The following LMF1 variants were observed in gnomAD, a reference collection of about 807,000 sequenced individuals.
LMF1 encodes the protein transmembrane protein 112.
In LMF1, 68 loss-of-function variants were observed where a neutral mutation model predicts 60.6. The ratio of observed to expected loss-of-function variants is 1.12; its 90% confidence interval spans 0.92 to 1.37. LMF1 has a LOEUF of 1.37. Among genes scored for constraint, LMF1 ranks in the 40% most tolerant of loss-of-function variants. The pLI, the probability that LMF1 is intolerant of heterozygous loss-of-function variation, is 0.00. For synonymous variants in LMF1, 418 were observed against 324.7 expected (o/e 1.29, Z -3.09); for missense variants, 948 against 767.2 (o/e 1.24, Z -2.78).
chr16:978,118 CAT>C (rs2073220454), intron 1 of LMF1, among the ~76,000 whole-genome samples: 1 of 137,344 alleles, frequency 7.3e-6, no homozygotes, highest in Non-Finnish European at 1.6e-5. Context: ...CACCACACAC[CAT>C]ACACACACCA....
At chr16:912,166 CCA>C (rs2071141339) in intron 3 of LMF1, among the ~76,000 whole-genome samples, 3 of 152,174 alleles carry the variant, frequency 2.0e-5, no homozygotes, top group African/African-American at 7.2e-5. Flanking sequence ...ACTCACACCA[CCA>C]CAGTGTCTAT....
At chr16:960,209 G>A (rs944974017) in intron 1 of LMF1, among the ~76,000 whole-genome samples, 2 of 152,252 alleles carry the variant, frequency 1.3e-5, no homozygotes, top group African/African-American at 2.4e-5. Flanking sequence ...TGCGGGGAAG[G>A]AGGGGAAACC....
At chr16:956,369 AAGC>A in intron 1 of LMF1, among the ~76,000 whole-genome samples, 1 of 152,358 alleles carries the variant, frequency 6.6e-6, no homozygotes, top group African/African-American at 2.4e-5. Flanking sequence ...CAGGTGAGAG[AAGC>A]ACATTCCCAT....
At chr16:870,621 C>T in intron 8 of LMF1, 108 bp downstream of exon 8, 2 of 1,310,160 alleles carry the variant, frequency 1.5e-6, no homozygotes, top group South Asian at 2.5e-5. Flanking sequence ...GGGCAGGGGA[C>T]ACTTGGGGTC....
intron 3 of LMF1, among the ~76,000 whole-genome samples, chr16:929,687 T>C (rs1423947783): frequency 6.6e-6 from 1 of 152,256 alleles, no homozygotes; most frequent in East Asian, 1.9e-4. Flanking sequence ...TTGAAGTGAA[T>C]GTTACCAAAC....
chr16:870,968 G>C (rs1408695632), intron 7 of LMF1, 86 bp from the exon 8 acceptor site: 11 of 1,490,866 alleles, frequency 7.4e-6, no homozygotes, highest in Non-Finnish European at 9.8e-6. Context: ...TGCTCCCTAA[G>C]GGTCAGCTGT....
At chr16:914,539 T>TCCCTC (rs145177489) in intron 3 of LMF1, among the ~76,000 whole-genome samples, 2 of 32,994 alleles carry the variant, frequency 6.1e-5, no homozygotes, top group African/African-American at 2.8e-4. Context: ...ACTCCCTCCC[T>TCCCTC]CCTTCCCATG....
intron 2 of LMF1, among the ~76,000 whole-genome samples, chr16:943,420 G>A (rs1379460891): frequency 1.4e-5 from 2 of 147,290 alleles, no homozygotes; most frequent in Non-Finnish European, 3.0e-5. Flanking sequence ...TTTCCCATGT[G>A]TTCATTCATT....
At chr16:947,522 C>G in intron 2 of LMF1, 1 of 456,110 alleles carries the variant, frequency 2.2e-6, no homozygotes, top group South Asian at 1.5e-5. Context: ...GCTCTCAGTA[C>G]TCTTTGAAGT....
chr16:919,792 G>T (rs562945999), intron 3 of LMF1, among the ~76,000 whole-genome samples: 1 of 152,080 alleles, frequency 6.6e-6, no homozygotes, highest in Non-Finnish European at 1.5e-5. Flanking sequence ...CCTGGGAGGA[G>T]CCTCACGGAG....
intron 1 of LMF1, among the ~76,000 whole-genome samples, chr16:964,892 T>C (rs923316296): frequency 2.6e-5 from 4 of 152,128 alleles, no homozygotes; most frequent in Non-Finnish European, 4.4e-5. Flanking sequence ...GGAGACGCGA[T>C]AAAACTGCCC....
At chr16:889,479 G>A (rs532000564) in intron 5 of LMF1, among the ~76,000 whole-genome samples, 2 of 152,130 alleles carry the variant, frequency 1.3e-5, no homozygotes, top group South Asian at 4.1e-4. Flanking sequence ...CCGGAGGGAG[G>A]AGTCCCGAGG....
At chr16:936,444 T>A (rs149696304) in intron 2 of LMF1, among the ~76,000 whole-genome samples, 1 of 117,614 alleles carries the variant, frequency 8.5e-6, no homozygotes, top group Admixed American at 8.4e-5. Context: ...GGAAGGAGGC[T>A]GGGAGGGAGG....
intron 1 of LMF1, chr16:964,250 T>G: frequency 3.1e-6 from 1 of 327,050 alleles, no homozygotes; most frequent in South Asian, 2.3e-5. Context: ...GAGAGGAGAT[T>G]GCACCACTGC....
rs2072891995 is a variant in LMF1, at chr16:964,874, G to C, written c.193+5914C>G. Among the ~76,000 whole-genome samples the C allele has an allele frequency of 2.0e-5, 3 of 152,258 alleles. No homozygotes were observed. In the South Asian group the frequency reaches 6.2e-4, roughly 32 times the overall value. On this transcript the variant is annotated intron_variant, in intron 1 of 10. Coordinates refer to ENST00000262301, the MANE Select transcript of LMF1 (RefSeq NM_022773.4). ...ACCGCGGCCCCACCTCGCCGAAGCA[G>C]CTGCCGGGGAGACGCGATAAAACTG...
intron 6 of LMF1, among the ~76,000 whole-genome samples, chr16:876,765 T>C (rs1225267023): frequency 6.6e-6 from 1 of 151,712 alleles, no homozygotes; most frequent in Non-Finnish European, 1.5e-5. Context: ...GTGGCAAAGA[T>C]GCTGCCCAAA....
intron 5 of LMF1, among the ~76,000 whole-genome samples, chr16:880,877 C>T (rs2070144023): frequency 6.6e-6 from 1 of 152,266 alleles, no homozygotes; most frequent in African/African-American, 2.4e-5. Context: ...ATGCTGCACG[C>T]TCTGCTTGCC....
chr16:865,222 C>T (rs1401017865), intron 10 of LMF1, among the ~76,000 whole-genome samples: 1 of 152,216 alleles, frequency 6.6e-6, no homozygotes, highest in East Asian at 1.9e-4. Flanking sequence ...TGCCCTCATC[C>T]ATTTATAGTT....
At chr16:915,706 C>G (rs949122864) in intron 3 of LMF1, among the ~76,000 whole-genome samples, 3 of 152,208 alleles carry the variant, frequency 2.0e-5, no homozygotes, top group African/African-American at 7.2e-5. Flanking sequence ...TGGGGTGGAG[C>G]CTGAGATGGG....
Sources: allele counts gnomAD v4.1 joint callset (sites outside exome capture counted in the v4.1 genomes callset), GRCh38; gene constraint gnomAD v4.1.1; transcripts MANE v1.5; gene names NCBI Gene and HGNC (gene_info 2026-07-23, HGNC 2026-07-21).